ZNF790: variants seen among roughly 807,000 people sequenced by gnomAD.
ZNF790 encodes zinc finger protein 790.
In ZNF790, 8 loss-of-function variants were observed where a neutral mutation model predicts 12.1. The ratio of observed to expected loss-of-function variants is 0.66; its 90% CI spans 0.39 to 1.19. The LOEUF is 1.19. Among genes scored for constraint, ZNF790 ranks in the 50% most tolerant of loss-of-function variants. The probability of loss-of-function intolerance (pLI) is 0.01; values close to 1 mark genes in which losing one functional copy is unlikely to be tolerated. For synonymous variants in ZNF790, 252 were observed against 244.3 expected (o/e 1.03, Z -0.29); for missense variants, 707 against 752.2 (o/e 0.94, Z 0.70).
upstream of ZNF790, among the ~76,000 whole-genome samples, chr19:36,843,300 T>G (rs534299426): frequency 6.6e-6 from 1 of 152,328 alleles, no homozygotes; most frequent in East Asian, 1.9e-4. Context: ...TTTCTGAAAC[T>G]GGTTGGGTCA....
chr19:36,828,611 G>A (rs1241597103), intron 1 of ZNF790, among the ~76,000 whole-genome samples: 1 of 152,158 alleles, frequency 6.6e-6, no homozygotes, highest in Admixed American at 6.5e-5. Flanking sequence ...TGAATAGGGT[G>A]GGACTACAGG....
At chr19:36,844,448 AAAAAGATG>A (rs2072159120) in intron 1 of ZNF790, among the ~76,000 whole-genome samples, 3 of 152,168 alleles carry the variant, frequency 2.0e-5, no homozygotes, top group South Asian at 2.1e-4. Context: ...AGGACTTTTT[AAAAAGATG>A]AAAAGATGAA....
At chr19:36,823,438 A>C (rs923721515) in intron 3 of ZNF790, 58 bp from the exon 4 acceptor site, 2 of 1,527,362 alleles carry the variant, frequency 1.3e-6, no homozygotes, top group African/African-American at 2.8e-5. Context: ...AAAATTTGCA[A>C]CTACTTCTTT....
chr19:36,832,808 G>C (rs936481558), intron 1 of ZNF790, among the ~76,000 whole-genome samples: 1 of 152,064 alleles, frequency 6.6e-6, no homozygotes, highest in African/African-American at 2.4e-5. Flanking sequence ...AAATAGACTA[G>C]CTCATTGATT....
At chr19:36,831,563 G>A (rs546212572) in intron 1 of ZNF790, among the ~76,000 whole-genome samples, 17 of 152,092 alleles carry the variant, frequency 1.1e-4, no homozygotes, top group African/African-American at 2.4e-4. Context: ...ATCTCTAGGC[G>A]CATAAGATCT....
rs760398850 is a variant in ZNF790 at position 36,819,787 on chromosome 19, G to T, written c.557C>A (p.Thr186Asn). The T allele has an allele frequency of 6.2e-7, 1 of 1,612,958 alleles. No individual in the cohort carries two copies. The highest frequency in any genetic ancestry group is 8.5e-7 in the Non-Finnish European group (1 of 1,179,452). Residue 186 changes from threonine (T) to asparagine (N), a missense_variant, in exon 5 of 5, where the codon ACT becomes AAT. Physicochemically the swap from Thr to Asn is moderately conservative, Grantham distance 65. Coordinates refer to ENST00000356725, the MANE Select transcript of ZNF790 (RefSeq NM_206894.4). ...GKAFISGSDH[T>N]QHQLIHTSEK... is the part of the protein sequence containing the mutation. ...ACTTGTGTGAATTAACTGATGTTGA[G>T]TATGATCTGAACCAGAAATAAAGGC...
In ZNF790 at chr19:36,848,682, G is replaced by A. The variant is rs756461107; in HGVS notation, c.-74+1320C>T. 1.8e-4 allele frequency among the ~76,000 whole-genome samples: 27 copies of A among 152,084 alleles called. 1 individual carries two copies. The highest frequency in any genetic ancestry group is 4.1e-4 in the South Asian group (2 of 4,820). ...TGTATTTTGTTTTGTTTTAAGGAGC[G>A]GAGAGTTTAATAGGCAAGAAGGAAG... is the stretch of plus-strand genomic sequence containing the variant. On this transcript the variant is annotated intron_variant, in intron 1 of 4. Transcript: ENST00000528994.
upstream of ZNF790, among the ~76,000 whole-genome samples, chr19:36,839,212 T>C (rs1044479490): frequency 7.9e-5 from 12 of 152,256 alleles, no homozygotes; most frequent in Non-Finnish European, 2.9e-5. Context: ...CTAAACTTTC[T>C]GACAGAGGAG....
intron 4 of ZNF790, among the ~76,000 whole-genome samples, chr19:36,822,260 TA>T (rs2071689996): frequency 6.6e-6 from 1 of 151,150 alleles, no homozygotes; most frequent in South Asian, 2.1e-4. Context: ...ATGGGTAAAA[TA>T]AAAAAATGAG....
At chr19:36,847,300 G>A (rs1158326959) in intron 1 of ZNF790, among the ~76,000 whole-genome samples, 1 of 151,952 alleles carries the variant, frequency 6.6e-6, no homozygotes, top group African/African-American at 2.4e-5. Flanking sequence ...GCAGTGAGCC[G>A]AGATTGCGCC....
At chr19:36,837,164 A>G (rs373898267) in intron 1 of ZNF790, among the ~76,000 whole-genome samples, 9 of 152,354 alleles carry the variant, frequency 5.9e-5, no homozygotes, top group Admixed American at 3.9e-4. Context: ...CGGACATTGT[A>G]TACCATCAAG....
intron 1 of ZNF790, among the ~76,000 whole-genome samples, chr19:36,846,700 T>C (rs914215466): frequency 3.3e-4 from 50 of 152,268 alleles, no homozygotes; most frequent in African/African-American, 1.1e-3. Context: ...AATACTTACA[T>C]AGCCTCTGTG....
rs765437284 is a variant in ZNF790 at position 36,819,074 on chromosome 19, A to G, written c.1270T>C (p.Cys424Arg). 8.1e-6 allele frequency: 13 copies of G among 1,613,904 alleles called. No individual in the cohort carries two copies. Among genetic ancestry groups the G allele is most frequent in the African/African-American group, 6.7e-5 (5 of 74,934 alleles). ...RIHTGRKPYE[C>R]KQCGKTFTWA... Reference sequence around the variant, plus strand: ...GTAAAAGTCTTCCCGCATTGCTTACATTCATAAGGTTTCCTGCCAGTATGA... The same window carrying G: ...GTAAAAGTCTTCCCGCATTGCTTACGTTCATAAGGTTTCCTGCCAGTATGA... Residue 424 changes from cysteine (C) to arginine (R), a missense_variant, in exon 5 of 5, where the codon TGT becomes CGT. Transcript: ENST00000356725.
intron 1 of ZNF790, among the ~76,000 whole-genome samples, chr19:36,827,006 TAAG>T (rs982768552): frequency 6.7e-6 from 1 of 150,034 alleles, no homozygotes; most frequent in African/African-American, 2.4e-5. Context: ...AATGATATAA[TAAG>T]CAAATTGCAA....
At chr19:36,844,821 G>A (rs2072162165) in intron 1 of ZNF790, among the ~76,000 whole-genome samples, 1 of 151,502 alleles carries the variant, frequency 6.6e-6, no homozygotes, top group Non-Finnish European at 1.5e-5. Flanking sequence ...GGCCGAGGCG[G>A]GCGGATCACG....
rs2071589295 is a variant in ZNF790, at chr19:36,818,435, A to C, written c.1909T>G (p.Ter637GlyextTer4). The change falls in exon 5 of 5, where the codon TGA becomes GGA. Residue 637 changes from the stop codon to glycine, a stop_lost. Coordinates refer to ENST00000356725, the MANE Select transcript of ZNF790 (RefSeq NM_206894.4). ...SSSSHFISLL[*>G] ...TTCCTACACTTTTATATAATATTTCACAAGAGTGAAATGAAGTGAGAGCTT... is the reference window on the plus strand; with the variant it reads ...TTCCTACACTTTTATATAATATTTCCCAAGAGTGAAATGAAGTGAGAGCTT... The C allele has an allele frequency of 1.3e-6, 2 of 1,533,794 alleles. No individual in the cohort carries two copies. The highest frequency in any genetic ancestry group is 2.8e-5 in the African/African-American group (2 of 72,086).
At chr19:36,828,486 A>T (rs1014369116) in intron 1 of ZNF790, among the ~76,000 whole-genome samples, 1 of 152,004 alleles carries the variant, frequency 6.6e-6, no homozygotes, top group Admixed American at 6.6e-5. Flanking sequence ...AAGGAAAAAA[A>T]AATTTTTAGG....
chr19:36,824,031 CTG>C (rs2071739581), intron 2 of ZNF790, among the ~76,000 whole-genome samples: 1 of 132,380 alleles, frequency 7.6e-6, no homozygotes, highest in South Asian at 2.4e-4. Context: ...GAGTCTCGCT[CTG>C]TCGCCCAGGC....
intron 1 of ZNF790, among the ~76,000 whole-genome samples, chr19:36,833,978 T>G (rs1420467768): frequency 6.6e-6 from 1 of 152,096 alleles, no homozygotes; most frequent in Non-Finnish European, 1.5e-5. Context: ...CATGGTGGCT[T>G]ATGCCTGTAA....
Sources: allele counts gnomAD v4.1 joint callset (sites outside exome capture counted in the v4.1 genomes callset), GRCh38; gene constraint gnomAD v4.1.1; transcripts MANE v1.5; gene names NCBI Gene and HGNC (gene_info 2026-07-23, HGNC 2026-07-21).